NTM: variants seen among roughly 807,000 people sequenced by gnomAD.
NTM encodes the protein neurotrimin.
In NTM, 13 loss-of-function variants were observed where a neutral mutation model predicts 42.1. The observed-to-expected ratio is 0.31, with a 90% CI of 0.20 to 0.49. The LOEUF is 0.49. Among genes scored for constraint, NTM ranks in the 20% least tolerant of loss-of-function variants. The probability of loss-of-function intolerance (pLI) is 0.99; values close to 1 mark genes in which losing one functional copy is unlikely to be tolerated. For synonymous variants in NTM, 187 were observed against 179.2 expected (o/e 1.04, Z -0.35); for missense variants, 373 against 452.8 (o/e 0.82, Z 1.60).
chr11:131,897,462 G>A (rs1377458952), intron 1 of NTM, among the ~76,000 whole-genome samples: 2 of 152,140 alleles, frequency 1.3e-5, no homozygotes, highest in East Asian at 1.9e-4. Context: ...GTACAGAGAT[G>A]GTATCTGAAG....
intron 3 of NTM, among the ~76,000 whole-genome samples, chr11:132,158,910 G>A (rs2073757971): frequency 6.6e-6 from 1 of 152,166 alleles, no homozygotes; most frequent in African/African-American, 2.4e-5. Flanking sequence ...GTCACTGCCT[G>A]GAAAGAAAAC....
At chr11:131,691,581 T>C (rs1292984394) in intron 1 of NTM, among the ~76,000 whole-genome samples, 1 of 146,686 alleles carries the variant, frequency 6.8e-6, no homozygotes, top group South Asian at 2.2e-4. Flanking sequence ...TTCCCTTCCA[T>C]GTCCTTCACT....
At chr11:132,167,691 G>A (rs570912835) in intron 3 of NTM, among the ~76,000 whole-genome samples, 3 of 152,272 alleles carry the variant, frequency 2.0e-5, no homozygotes, top group East Asian at 1.9e-4. Context: ...TCAAAATAAT[G>A]TATTGTATTA....
intron 2 of NTM, among the ~76,000 whole-genome samples, chr11:132,138,633 G>A (rs772810607): frequency 2.5e-4 from 23 of 93,630 alleles, no homozygotes; most frequent in Non-Finnish European, 3.6e-4. Context: ...CTAATCTATC[G>A]AGAGACTTAT....
chr11:131,816,962 T>C (rs980255073), intron 1 of NTM, among the ~76,000 whole-genome samples: 4 of 152,200 alleles, frequency 2.6e-5, no homozygotes, highest in Non-Finnish European at 5.9e-5. Context: ...AATATTTTAC[T>C]TAATCTTCCC....
At chr11:132,020,454 T>C (rs1166079854) in intron 2 of NTM, among the ~76,000 whole-genome samples, 2 of 152,066 alleles carry the variant, frequency 1.3e-5, no homozygotes, top group Non-Finnish European at 2.9e-5. Flanking sequence ...TAAATATAGA[T>C]AAATATTATA....
At chr11:132,330,017 C>A in intron 7 of NTM, 136 bp from the exon 8 acceptor site, 2 of 1,403,228 alleles carry the variant, frequency 1.4e-6, no homozygotes, top group Non-Finnish European at 1.9e-6. Flanking sequence ...GTCAGGACAG[C>A]AAGGGACATG....
chr11:131,874,065 A>ATATATATCTATCTATC (rs1565659857), intron 1 of NTM, among the ~76,000 whole-genome samples: 1 of 60,196 alleles, frequency 1.7e-5, no homozygotes, highest in African/African-American at 4.3e-5. Flanking sequence ...ATATATATAT[A>ATATATATCTATCTATC]TATCAGCAAC....
At position 131,566,434 on chromosome 11, in the gene NTM, T is replaced by C. The variant is rs907360531; in HGVS notation, c.82+195546T>C. On this transcript the variant is annotated intron_variant, in intron 1 of 8. Coordinates refer to ENST00000683400, the MANE Select transcript of NTM (RefSeq NM_001352005.2). ...GTGTGTGTGTGTGTCTCGATGTGCG[T>C]GTGTGTGTGTGTGTGTCTGTGTGTG... Among the ~76,000 whole-genome samples, 145 of 21,898 alleles carry C rather than the reference T, an allele frequency of 6.6e-3. 1 individual carries two copies. Among genetic ancestry groups the C allele is most frequent in the Admixed American group, 0.051 (141 of 2,742 alleles). The allele number at this position is 21,898 out of a possible 152,430, so 14.4% of individuals were successfully genotyped here.
rs557946443 is a variant in NTM at position 132,063,088 on chromosome 11, G to T, written c.168-83194G>T. ...CAAGATCAATGTCTCATCAGGTTCT[G>T]TGTCTGGTGAGGGCCCTCCTCTTGG... On this transcript the variant is annotated intron_variant, in intron 2 of 8. Coordinates refer to ENST00000683400, the MANE Select transcript of NTM (RefSeq NM_001352005.2). Among the ~76,000 whole-genome samples the T allele has an allele frequency of 2.1e-3, 318 of 152,236 alleles. 1 individual carries two copies. The highest frequency in any genetic ancestry group is 2.1e-3 in the Non-Finnish European group (146 of 68,004).
At chr11:131,795,450 G>C in intron 1 of NTM, 1 of 985,428 alleles carries the variant, frequency 1.0e-6, no homozygotes, top group Non-Finnish European at 1.2e-6. Context: ...TCAAATGCTT[G>C]ATATGCAGCT....
intron 1 of NTM, among the ~76,000 whole-genome samples, chr11:131,751,762 C>T (rs561566400): frequency 1.4e-5 from 2 of 142,038 alleles, no homozygotes; most frequent in Admixed American, 1.4e-4. Context: ...CCGTCCCCCC[C>T]TCACCCCCCC....
At position 132,314,894 on chromosome 11, in the gene NTM, C is replaced by CAGAAAGAGAA. The variant is rs762357134; in HGVS notation, c.934+196_934+205dup. 512 of 1,349,280 alleles carry CAGAAAGAGAA rather than the reference C, an allele frequency of 3.8e-4. 1 individual carries two copies. Among genetic ancestry groups the CAGAAAGAGAA allele is most frequent in the Middle Eastern group, 3.5e-3 (13 of 3,734 alleles). 83.6% of individuals were successfully genotyped at this position (1,349,280 alleles called of 1,614,324 possible). ...GACAGAGAGACAGGGAGGAGGCAGA[C>CAGAAAGAGAA]AGAAAGAGAAAGAACAAGAGATACA... is the stretch of plus-strand genomic sequence containing the variant. On this transcript the variant is annotated intron_variant, in intron 7 of 8. Coordinates refer to ENST00000683400, the MANE Select transcript of NTM (RefSeq NM_001352005.2).
chr11:131,965,638 A>C (rs1271598382), intron 2 of NTM, among the ~76,000 whole-genome samples: 5 of 152,218 alleles, frequency 3.3e-5, no homozygotes, highest in Non-Finnish European at 4.4e-5. Flanking sequence ...GCTTTGAGTA[A>C]GCTCGCTGAT....
chr11:131,609,755 A>T (rs1377671075), intron 1 of NTM, among the ~76,000 whole-genome samples: 2 of 152,208 alleles, frequency 1.3e-5, no homozygotes, highest in African/African-American at 2.4e-5. Context: ...AGAGCCAAAC[A>T]TGCTTCTGTC....
At chr11:131,780,437 A>G (rs755337136) in intron 1 of NTM, among the ~76,000 whole-genome samples, 13 of 152,086 alleles carry the variant, frequency 8.5e-5, no homozygotes, top group Non-Finnish European at 1.6e-4. Flanking sequence ...TATTTTGGAC[A>G]TGTGGAGTTT....
intron 2 of NTM, among the ~76,000 whole-genome samples, chr11:132,132,160 G>A (rs143931400): frequency 0.017 from 2,617 of 151,696 alleles, 68 homozygotes; most frequent in African/African-American, 0.058. Flanking sequence ...CCACTGCCCC[G>A]CCCCCATCTG....
intron 3 of NTM, among the ~76,000 whole-genome samples, chr11:132,173,725 C>T (rs918741529): frequency 2.0e-5 from 3 of 152,158 alleles, no homozygotes; most frequent in African/African-American, 7.2e-5. Flanking sequence ...GTGAGGCTCA[C>T]AGATTGTGAC....
At chr11:132,185,187 C>T (rs1019992777) in intron 3 of NTM, among the ~76,000 whole-genome samples, 32 of 152,098 alleles carry the variant, frequency 2.1e-4, no homozygotes, top group African/African-American at 7.7e-4. Flanking sequence ...CTGTGTCTTG[C>T]TTTCTATCAC....
Sources: gnomAD v4.1 joint callset for allele counts (sites outside exome capture counted in the v4.1 genomes callset) on GRCh38, gnomAD v4.1.1 for gene constraint, MANE v1.5 for transcripts, NCBI Gene and HGNC (gene_info 2026-07-23, HGNC 2026-07-21) for gene names.